RASSF3: variants seen among roughly 807,000 people sequenced by gnomAD.
RASSF3 encodes the protein Ras association domain family member 3.
In RASSF3, 19 loss-of-function variants were observed where a neutral mutation model predicts 19.9. The observed-to-expected ratio is 0.96, with a 90% confidence interval of 0.67 to 1.40. RASSF3 has a LOEUF of 1.40. Among genes scored for constraint, RASSF3 ranks in the 40% most tolerant of loss-of-function variants. The pLI is 0.00. For synonymous variants in RASSF3, 110 were observed against 104.2 expected (o/e 1.06, Z -0.34); for missense variants, 306 against 289.8 (o/e 1.06, Z -0.41).
intron 1 of RASSF3, among the ~76,000 whole-genome samples, chr12:64,509,241 G>C (rs912539605): frequency 1.5e-4 from 23 of 152,286 alleles, no homozygotes; most frequent in African/African-American, 5.5e-4. Context: ...CTTGAGGTCA[G>C]GAGTTTGAGA....
At chr12:64,673,867 C>G (rs1400626001) in intron 1 of RASSF3, among the ~76,000 whole-genome samples, 9 of 151,696 alleles carry the variant, frequency 5.9e-5, no homozygotes, top group Admixed American at 5.9e-4. Flanking sequence ...TGCTGGGGCA[C>G]TCAGAGGAGA....
At position 64,549,403 on chromosome 12, in the gene RASSF3, T is replaced by C. The variant is rs189764833; in HGVS notation, c.294+7698T>C. 7.0e-4 allele frequency among the ~76,000 whole-genome samples: 106 copies of C among 152,334 alleles called. 1 individual carries two copies. The highest frequency in any genetic ancestry group is 1.8e-3 in the Admixed American group (27 of 15,292). ...TCATTCTTAAAGTCATTGTGCACTT[T>C]GCTTCCTTTGTTGTATGTTTGTTTC... On this transcript the variant is annotated intron_variant, in intron 2 of 5. Transcript: ENST00000637125.
chr12:64,540,784 C>T (rs11831660), intron 1 of RASSF3, among the ~76,000 whole-genome samples: 3,394 of 152,154 alleles, frequency 0.022, 131 homozygotes, highest in African/African-American at 0.077. Flanking sequence ...TGCATCACTG[C>T]GTTTGGTGAC....
intron 2 of RASSF3, among the ~76,000 whole-genome samples, chr12:64,577,204 A>G (rs1420372159): frequency 6.6e-6 from 1 of 152,152 alleles, no homozygotes; most frequent in East Asian, 1.9e-4. Context: ...CCTGCCCCAT[A>G]AGGGTTGTGA....
At position 64,523,395 on chromosome 12, in the gene RASSF3, G is replaced by C. The variant is rs144252657; in HGVS notation, c.169+16066G>C. ...CACTCCAGCCTGGGCGACAGAGTAA[G>C]ACTCTGTCTCAAAAAGATAAAATAA... On this transcript the variant is annotated intron_variant, in intron 1 of 5. Coordinates refer to the RASSF3 transcript ENST00000637125. Among the ~76,000 whole-genome samples, 923 of 152,174 alleles carry C rather than the reference G, an allele frequency of 6.1e-3. 5 individuals are homozygous for C. The highest frequency in any genetic ancestry group is 0.021 in the African/African-American group (866 of 41,522).
rs1032064238 is a variant in RASSF3, at chr12:64,508,823, T to C, written c.169+1494T>C. The stretch of plus-strand genomic sequence containing the variant: ...TGCTCGAAAACCCAGGAGGTGGAGG[T>C]TGCGGTGAGCCGAGATTGTGCGATT... On this transcript the variant is annotated intron_variant, in intron 1 of 5. Coordinates refer to the RASSF3 transcript ENST00000637125. 5.9e-5 allele frequency among the ~76,000 whole-genome samples: 9 copies of C among 151,986 alleles called. No homozygotes were observed. In the East Asian group the frequency reaches 7.8e-4, roughly 13 times the overall value.
intron 2 of RASSF3, among the ~76,000 whole-genome samples, chr12:64,559,538 G>A (rs1375597995): frequency 1.3e-5 from 2 of 152,050 alleles, no homozygotes; most frequent in Non-Finnish European, 2.9e-5. Flanking sequence ...CAAAGTGCTG[G>A]GATTACAGGT....
chr12:64,628,959 G>A (rs1043403816), intron 1 of RASSF3, among the ~76,000 whole-genome samples: 5 of 151,648 alleles, frequency 3.3e-5, no homozygotes, highest in African/African-American at 1.2e-4. Flanking sequence ...TTTTGAGACA[G>A]GGTCTTGCTT....
chr12:64,684,009 A>AGT (rs1555216478), intron 1 of RASSF3, among the ~76,000 whole-genome samples: 1 of 74,002 alleles, frequency 1.4e-5, no homozygotes, highest in Non-Finnish European at 3.2e-5. Context: ...AGAGAGAGAG[A>AGT]GTGAGTGTGT....
At chr12:64,645,114 T>A (rs1871684525) in intron 1 of RASSF3, among the ~76,000 whole-genome samples, 1 of 152,104 alleles carries the variant, frequency 6.6e-6, no homozygotes, top group Admixed American at 6.6e-5. Flanking sequence ...ATTTTCTGAA[T>A]TTTTTCAACA....
chr12:64,582,398 AT>A (rs1374545273), intron 2 of RASSF3, among the ~76,000 whole-genome samples: 1 of 151,940 alleles, frequency 6.6e-6, no homozygotes, highest in Non-Finnish European at 1.5e-5. Flanking sequence ...AACTACACTC[AT>A]TTTTCTTTAG....
intron 1 of RASSF3, among the ~76,000 whole-genome samples, chr12:64,520,549 T>TACACACAC (rs1157799363): frequency 8.9e-5 from 7 of 79,050 alleles, no homozygotes; most frequent in African/African-American, 3.2e-4. Context: ...GATACACACA[T>TACACACAC]ACACACATAT....
intron 2 of RASSF3, among the ~76,000 whole-genome samples, chr12:64,577,875 C>T (rs985618289): frequency 6.6e-6 from 1 of 151,998 alleles, no homozygotes; most frequent in Non-Finnish European, 1.5e-5. Context: ...GCGAAGATGT[C>T]TCAATCATGG....
chr12:64,654,823 C>A (rs1042283608), intron 1 of RASSF3: 1 of 152,040 alleles, frequency 6.6e-6, no homozygotes, highest in East Asian at 1.9e-4. Flanking sequence ...CGAGATCATG[C>A]CACTGCACTC....
At chr12:64,607,119 A>G (rs977814154), upstream of RASSF3, among the ~76,000 whole-genome samples, 1 of 151,148 alleles carries the variant, frequency 6.6e-6, no homozygotes, top group African/African-American at 2.4e-5. Context: ...TTGTCTCTAC[A>G]AAAAAAATAT....
At chr12:64,684,027 TGTG>T in intron 1 of RASSF3, among the ~76,000 whole-genome samples, 2 of 150,450 alleles carry the variant, frequency 1.3e-5, no homozygotes, top group Non-Finnish European at 3.0e-5. Context: ...TGTGTGTGTG[TGTG>T]TGTGTGTTTC....
intron 2 of RASSF3, among the ~76,000 whole-genome samples, chr12:64,562,611 G>A (rs200845042): frequency 1.7e-5 from 2 of 117,174 alleles, no homozygotes; most frequent in Admixed American, 8.9e-5. Flanking sequence ...ATTCTCCTGG[G>A]TGTTTAAATT....
In RASSF3 at chr12:64,694,940, G is replaced by A; in HGVS notation, c.*28G>A. ...CGGGGCTCCCTGCCCGTGAGGCCCG[G>A]TGCAGGACCGATGTACAAAACAGCA... On this transcript the variant is annotated 3_prime_UTR_variant, in exon 5 of 5. Transcript: ENST00000542104. The A allele has an allele frequency of 6.2e-7, 1 of 1,608,370 alleles. No homozygotes were observed. Among genetic ancestry groups the A allele is most frequent in the Non-Finnish European group, 8.5e-7 (1 of 1,177,518 alleles).
At chr12:64,649,820 T>A (rs1358995611) in intron 1 of RASSF3, among the ~76,000 whole-genome samples, 1 of 152,218 alleles carries the variant, frequency 6.6e-6, no homozygotes, top group Non-Finnish European at 1.5e-5. Context: ...TCTCCCTGAA[T>A]AGCTTTCACA....
Sources: gnomAD v4.1 joint callset for allele counts (sites outside exome capture counted in the v4.1 genomes callset) on GRCh38, gnomAD v4.1.1 for gene constraint, MANE v1.5 for transcripts, NCBI Gene and HGNC (gene_info 2026-07-23, HGNC 2026-07-21) for gene names.